SV2C: variants seen among roughly 807,000 people sequenced by gnomAD.
SV2C encodes the protein synaptic vesicle glycoprotein 2C, also known as solute carrier family 22 member B3.
Under a neutral mutation model 79.7 loss-of-function variants are expected in SV2C, and 49 were observed. That is an observed-to-expected ratio of 0.61 (90% CI 0.49 to 0.78). The LOEUF (loss-of-function observed/expected upper bound fraction) is 0.78, where lower values mean the gene tolerates loss of function less well. Ranked by LOEUF, SV2C falls within the 30% of genes least tolerant of loss-of-function variation. The pLI is 0.00. For missense variants in SV2C, 833 were observed against 912.9 expected (o/e 0.91, Z 1.13); for synonymous variants, 334 against 333.2 (o/e 1.00, Z -0.03).
At chr5:76,348,445 A>G (rs1350917169) in intron 12 of SV2C, among the ~76,000 whole-genome samples, 1 of 152,248 alleles carries the variant, frequency 6.6e-6, no homozygotes, top group Non-Finnish European at 1.5e-5. Flanking sequence ...TCCTTTGGGT[A>G]AATATCAAGG....
intron 2 of SV2C, among the ~76,000 whole-genome samples, chr5:76,137,884 T>C (rs1166875412): frequency 6.6e-6 from 1 of 152,154 alleles, no homozygotes; most frequent in African/African-American, 2.4e-5. Flanking sequence ...TTCCTCTTCT[T>C]CATCAGAGCA....
chr5:76,064,047 G>A, the SV2C span, among the ~76,000 whole-genome samples: 1 of 152,108 alleles, frequency 6.6e-6, no homozygotes, highest in South Asian at 2.1e-4. Context: ...AACAAGGGAG[G>A]AAAAGAACAG....
chr5:75,975,430 C>T, the SV2C span, among the ~76,000 whole-genome samples: 2 of 152,132 alleles, frequency 1.3e-5, no homozygotes, highest in Non-Finnish European at 2.9e-5. Flanking sequence ...TGTCTATAGA[C>T]ATATTTTATT....
chr5:76,312,620 G>A (rs569811851), intron 12 of SV2C, among the ~76,000 whole-genome samples: 1 of 152,320 alleles, frequency 6.6e-6, no homozygotes, highest in African/African-American at 2.4e-5. Flanking sequence ...GTGAGATGCA[G>A]CCCACGCTCT....
the SV2C span, among the ~76,000 whole-genome samples, chr5:75,923,542 C>T: frequency 0.13 from 19,780 of 151,986 alleles, 4,002 homozygotes; most frequent in African/African-American, 0.43. Flanking sequence ...CTAGTATCCA[C>T]ACTCTATGAG....
the SV2C span, among the ~76,000 whole-genome samples, chr5:76,008,237 T>C: frequency 6.6e-6 from 1 of 152,172 alleles, no homozygotes; most frequent in Admixed American, 6.5e-5. Context: ...TAAAGACAGC[T>C]AAGGATGAAC....
At chr5:75,916,689 G>T in the SV2C span, among the ~76,000 whole-genome samples, 1 of 152,118 alleles carries the variant, frequency 6.6e-6, no homozygotes, top group African/African-American at 2.4e-5. Context: ...TGATCAGGCT[G>T]GTCTTGAACT....
the SV2C span, among the ~76,000 whole-genome samples, chr5:75,977,507 T>C: frequency 3.9e-5 from 6 of 152,200 alleles, no homozygotes; most frequent in African/African-American, 1.4e-4. Context: ...TAATCACTAT[T>C]AAAAGCCAAT....
chr5:76,236,579 TAAAG>T (rs1431254344), intron 4 of SV2C, among the ~76,000 whole-genome samples: 7 of 121,532 alleles, frequency 5.8e-5, no homozygotes, highest in Admixed American at 4.4e-4. Flanking sequence ...TAAAATAAAA[TAAAG>T]AGAGAGAGAG....
At chr5:76,190,604 G>T (rs186309588) in intron 2 of SV2C, among the ~76,000 whole-genome samples, 1 of 152,278 alleles carries the variant, frequency 6.6e-6, no homozygotes, top group East Asian at 1.9e-4. Flanking sequence ...AATGAACACA[G>T]AAGTCCATAC....
chr5:76,260,414 T>C (rs1481800162), intron 4 of SV2C, among the ~76,000 whole-genome samples: 1 of 152,206 alleles, frequency 6.6e-6, no homozygotes, highest in Non-Finnish European at 1.5e-5. Flanking sequence ...CTGATGATAG[T>C]TTATTTTATT....
At chr5:75,951,367 A>G in the SV2C span, among the ~76,000 whole-genome samples, 1 of 152,018 alleles carries the variant, frequency 6.6e-6, no homozygotes, top group Non-Finnish European at 1.5e-5. Context: ...CTCAGTAGAG[A>G]TGCTGTTCAG....
chr5:75,864,352 C>T, the SV2C span, among the ~76,000 whole-genome samples: 1 of 146,992 alleles, frequency 6.8e-6, no homozygotes, highest in Non-Finnish European at 1.5e-5. Flanking sequence ...ATCCATCCAT[C>T]CATTCATTTA....
chr5:76,158,743 T>C lies in SV2C; in HGVS notation c.580+26413T>C, dbSNP rs539018782. Among the ~76,000 whole-genome samples the C allele has an allele frequency of 7.2e-5, 11 of 152,166 alleles. No individual in the cohort carries two copies. The South Asian group carries it at 2.1e-3, about 29-fold the overall frequency. ...CACTATGAATAATTAATACCAATTCTTTACAAATTCTTCAAAGAATAGAAG... is the reference window on the plus strand; with the variant it reads ...CACTATGAATAATTAATACCAATTCCTTACAAATTCTTCAAAGAATAGAAG... On this transcript the variant is annotated intron_variant, in intron 2 of 12. Coordinates refer to ENST00000502798, the MANE Select transcript of SV2C (RefSeq NM_014979.4).
At chr5:75,919,744 C>T in the SV2C span, among the ~76,000 whole-genome samples, 3 of 152,226 alleles carry the variant, frequency 2.0e-5, no homozygotes, top group African/African-American at 7.2e-5. Context: ...GTAAACAATA[C>T]ACTCAGCTTT....
the SV2C span, among the ~76,000 whole-genome samples, chr5:75,869,948 G>C: frequency 2.0e-5 from 3 of 152,158 alleles, no homozygotes; most frequent in Admixed American, 6.5e-5. Flanking sequence ...GCGTTTCTGG[G>C]CTTGGGATGC....
chr5:76,229,083 G>A (rs1163931627), intron 4 of SV2C, among the ~76,000 whole-genome samples: 1 of 152,148 alleles, frequency 6.6e-6, no homozygotes, highest in Non-Finnish European at 1.5e-5. Flanking sequence ...CCTCCAAATG[G>A]CCCAGCTGAG....
chr5:76,262,555 G>A (rs1367475237), intron 4 of SV2C, among the ~76,000 whole-genome samples: 1 of 152,100 alleles, frequency 6.6e-6, no homozygotes, highest in Non-Finnish European at 1.5e-5. Flanking sequence ...CCCGCTTTCT[G>A]ATGTGGGCAT....
At chr5:76,239,320 C>T (rs1745710072) in intron 4 of SV2C, among the ~76,000 whole-genome samples, 2 of 152,182 alleles carry the variant, frequency 1.3e-5, no homozygotes, top group South Asian at 4.1e-4. Flanking sequence ...AGAATAAGTT[C>T]TCCATGTGGA....
Sources: gnomAD v4.1 joint callset for allele counts (sites outside exome capture counted in the v4.1 genomes callset) on GRCh38, gnomAD v4.1.1 for gene constraint, MANE v1.5 for transcripts, NCBI Gene and HGNC (gene_info 2026-07-23, HGNC 2026-07-21) for gene names.